Variants in STIL observed in about 807,000 individuals in gnomAD.
STIL encodes the protein SCL-interrupting locus protein.
STIL carries 55 observed loss-of-function variants against 110.1 expected under a neutral mutation model. The ratio of observed to expected loss-of-function variants is 0.50; its 90% confidence interval spans 0.40 to 0.63. The LOEUF (loss-of-function observed/expected upper bound fraction) is 0.63, where lower values mean the gene tolerates loss of function less well. Ranked by LOEUF, STIL falls within the 20% of genes least tolerant of loss-of-function variation. The pLI, the probability that STIL is intolerant of heterozygous loss-of-function variation, is 0.00. For synonymous variants in STIL, 481 were observed against 530.0 expected, an observed-to-expected ratio of 0.91 and a Z score of 1.27; for missense variants, 1,358 against 1,530.0, an observed-to-expected ratio of 0.89 and a Z score of 1.87.
chr1:47,278,419 T>TA (rs915732956), intron 12 of STIL, among the ~76,000 whole-genome samples: 1 of 152,128 alleles, frequency 6.6e-6, no homozygotes, highest in Admixed American at 6.5e-5. Context: ...AGCATTTTTT[T>TA]GTATATTTCA....
chr1:47,294,554 C>T (rs112754792), intron 7 of STIL, among the ~76,000 whole-genome samples: 4,955 of 152,234 alleles, frequency 0.033, 260 homozygotes, highest in African/African-American at 0.11. Flanking sequence ...GCGTGATGGC[C>T]GGTGCCTGTA....
intron 11 of STIL, 33 bp from the exon 12 acceptor site, chr1:47,281,242 A>AT (rs1217776184): frequency 2.5e-6 from 4 of 1,591,060 alleles, no homozygotes; most frequent in Admixed American, 1.7e-5. Flanking sequence ...AAAAAAAAGT[A>AT]TTTTTTTGGA....
chr1:47,295,481 G>A (rs1222262976), intron 7 of STIL, among the ~76,000 whole-genome samples: 1 of 152,038 alleles, frequency 6.6e-6, no homozygotes, highest in Non-Finnish European at 1.5e-5. Flanking sequence ...TTAGGAGGCT[G>A]AAGCACGAGA....
Position 47,269,797 on chromosome 1 carries a change from G to C in STIL, c.2453C>G (p.Thr818Ser), listed in dbSNP as rs1235348126. 2 of 1,614,102 alleles carry C rather than the reference G, an allele frequency of 1.2e-6. No homozygotes were observed. The highest frequency in any genetic ancestry group is 3.3e-5 in the Admixed American group (2 of 60,016). ...EPDSQMKQDDTKISSEDMNFS... is the reference protein window; with the variant it reads ...EPDSQMKQDDSKISSEDMNFS... ...ATTCATGTCCTCACTGGAAATTTTGGTATCATCTTGCTTCATTTGAGAGTC... is the reference window on the plus strand; with the variant it reads ...ATTCATGTCCTCACTGGAAATTTTGCTATCATCTTGCTTCATTTGAGAGTC... The change falls in exon 14 of 17, where the codon ACC becomes AGC. Residue 818 changes from threonine (T) to serine (S), a missense_variant. Physicochemically the swap from Thr to Ser is moderately conservative, Grantham distance 58. Transcript: ENST00000371877.
chr1:47,286,212 T>C (rs1645294212), intron 10 of STIL, among the ~76,000 whole-genome samples: 1 of 152,144 alleles, frequency 6.6e-6, no homozygotes, highest in Non-Finnish European at 1.5e-5. Context: ...AAGTATCATA[T>C]GTTTGCATCT....
chr1:47,281,318 A>G, intron 11 of STIL, 109 bp from the exon 12 acceptor site: 1 of 1,165,828 alleles, frequency 8.6e-7, no homozygotes, highest in Non-Finnish European at 1.2e-6. Flanking sequence ...CATATTAACA[A>G]GTGTTCATTC....
intron 12 of STIL, among the ~76,000 whole-genome samples, chr1:47,278,817 A>AT (rs34660012): frequency 6.6e-5 from 10 of 151,966 alleles, no homozygotes; most frequent in Admixed American, 6.6e-5. Flanking sequence ...AAAAGTAAAA[A>AT]TTTTAAAAAA....
intron 6 of STIL, among the ~76,000 whole-genome samples, chr1:47,299,556 C>G (rs1488670859): frequency 1.3e-5 from 2 of 151,838 alleles, no homozygotes; most frequent in African/African-American, 2.4e-5. Context: ...CCACGCTCAG[C>G]TAATTTTTAT....
At chr1:47,297,349 A>G (rs1313652913) in intron 6 of STIL, among the ~76,000 whole-genome samples, 1 of 151,656 alleles carries the variant, frequency 6.6e-6, no homozygotes, top group African/African-American at 2.4e-5. Context: ...ATCTCAAAAA[A>G]AAAAAAAGAA....
chr1:47,250,903 G>A lies in STIL; in HGVS notation c.*233C>T, dbSNP rs1644165651. On this transcript the variant is annotated 3_prime_UTR_variant, in exon 17 of 17. Transcript: ENST00000371877. ...ACTACTTAAACTTGTAGGAATAACT[G>A]ATCTCAGGGCTTTTCTTAAAGGTTT... is the stretch of plus-strand genomic sequence containing the variant. 1 of 504,960 alleles carries A rather than the reference G, an allele frequency of 2.0e-6. No homozygotes were observed. The highest frequency in any genetic ancestry group is 1.9e-5 in the African/African-American group (1 of 51,794). 31.3% of individuals were successfully genotyped at this position (504,960 alleles called of 1,614,324 possible).
intron 3 of STIL, among the ~76,000 whole-genome samples, chr1:47,304,294 CA>C (rs1450194862): frequency 6.6e-6 from 1 of 151,898 alleles, no homozygotes; most frequent in African/African-American, 2.4e-5. Context: ...GCTGGGGTTA[CA>C]GGTGTGAGCC....
intron 7 of STIL, among the ~76,000 whole-genome samples, chr1:47,295,411 C>CT (rs1303649924): frequency 7.9e-5 from 12 of 151,846 alleles, no homozygotes; most frequent in African/African-American, 2.9e-4. Flanking sequence ...AAAACCCCGT[C>CT]TCTACTAAAA....
At chr1:47,303,119 C>T (rs979445698) in intron 3 of STIL, among the ~76,000 whole-genome samples, 3 of 152,002 alleles carry the variant, frequency 2.0e-5, no homozygotes, top group African/African-American at 7.3e-5. Context: ...CCATACAGAA[C>T]TTAAAGAAAT....
intron 8 of STIL, among the ~76,000 whole-genome samples, chr1:47,292,978 AAAAGT>A (rs1645538408): frequency 6.6e-6 from 1 of 152,206 alleles, no homozygotes; most frequent in Admixed American, 6.5e-5. Context: ...AGTTGAGGTT[AAAAGT>A]AAAGTTTCCC....
intron 12 of STIL, among the ~76,000 whole-genome samples, chr1:47,274,501 T>C (rs1035117595): frequency 6.8e-6 from 1 of 146,852 alleles, no homozygotes; most frequent in Non-Finnish European, 1.5e-5. Context: ...TTTTTTTTAG[T>C]AGAGACGGAG....
In STIL at chr1:47,272,066, C is replaced by A. The variant is rs1644857062; in HGVS notation, c.2383+10G>T. 3.1e-6 allele frequency: 5 copies of A among 1,612,564 alleles called. No homozygotes were observed. In the Admixed American group the frequency reaches 6.7e-5, roughly 22 times the overall value. On this transcript the variant is annotated intron_variant, in intron 13 of 16. Coordinates refer to ENST00000371877, the MANE Select transcript of STIL (RefSeq NM_001048166.1). ...AATTTCCTTACAAATTAAAAAAAAA[C>A]TGAAATTACCTGTGCTCACAGCAAT...
chr1:47,265,502 C>T (rs1156399905), intron 14 of STIL, among the ~76,000 whole-genome samples: 3 of 150,746 alleles, frequency 2.0e-5, no homozygotes, highest in Non-Finnish European at 4.4e-5. Flanking sequence ...CAGAGTTGGC[C>T]GGGCATGGTG....
chr1:47,300,076 G>A lies in STIL; in HGVS notation c.530C>T (p.Ser177Phe), dbSNP rs1162488306. The stretch of plus-strand genomic sequence containing the variant: ...TTCCACACTGTCCAAACTCTCCCTG[G>A]AAGTGATATGAACTCTTAGGGAAAG... ...KLLSLRVHITSRESLDSVEFD... is the reference protein window; with the variant it reads ...KLLSLRVHITFRESLDSVEFD... Residue 177 changes from serine (S) to phenylalanine (F), a missense_variant, in exon 6 of 17, where the codon TCC becomes TTC. Physicochemically the swap from Ser to Phe is radical, Grantham distance 155. Coordinates refer to ENST00000371877, the MANE Select transcript of STIL (RefSeq NM_001048166.1). The A allele has an allele frequency of 5.0e-6, 8 of 1,614,124 alleles. No homozygotes were observed. The African/African-American group carries it at 9.3e-5, about 19-fold the overall frequency.
upstream of STIL, among the ~76,000 whole-genome samples, chr1:47,314,425 G>C (rs1293416661): frequency 6.6e-6 from 1 of 152,186 alleles, no homozygotes; most frequent in African/African-American, 2.4e-5. Context: ...GGCGGGGTAG[G>C]CTTTCCGCAA....
Sources: gnomAD v4.1 joint callset for allele counts (sites outside exome capture counted in the v4.1 genomes callset) on GRCh38, gnomAD v4.1.1 for gene constraint, MANE v1.5 for transcripts, NCBI Gene and HGNC (gene_info 2026-07-23, HGNC 2026-07-21) for gene names.